Variants in LARGE1 observed in about 807,000 individuals in gnomAD.
LARGE1 encodes xylosyl- and glucuronyltransferase LARGE1.
In LARGE1, 43 loss-of-function variants were observed where a neutral mutation model predicts 87.6. The observed-to-expected ratio is 0.49, with a 90% CI of 0.38 to 0.63. The LOEUF is 0.63. Ranked by LOEUF, LARGE1 falls within the 30% of genes least tolerant of loss-of-function variation. The probability of loss-of-function intolerance (pLI) is 0.00; values close to 1 mark genes in which losing one functional copy is unlikely to be tolerated. For synonymous variants in LARGE1, 434 were observed against 394.6 expected (o/e 1.10, Z -1.18); for missense variants, 802 against 1,000.2 (o/e 0.80, Z 2.67).
At chr22:33,284,573 T>C (rs964923230) in intron 12 of LARGE1, among the ~76,000 whole-genome samples, 7 of 151,672 alleles carry the variant, frequency 4.6e-5, no homozygotes, top group African/African-American at 1.7e-4. Context: ...TAGTGCCATA[T>C]GGCATGAGGC....
chr22:33,584,850 C>T (rs1214989716), intron 5 of LARGE1, among the ~76,000 whole-genome samples: 1 of 152,206 alleles, frequency 6.6e-6, no homozygotes. Context: ...GGCGCATTGG[C>T]TCACGCCTGT....
intron 6 of LARGE1, among the ~76,000 whole-genome samples, chr22:33,436,211 G>A (rs1485461591): frequency 6.6e-6 from 1 of 152,178 alleles, no homozygotes; most frequent in Non-Finnish European, 1.5e-5. Flanking sequence ...AACTCTTACA[G>A]CTGCTGTGAC....
chr22:33,191,077 A>G (rs986116059), intron 11 of LARGE1, among the ~76,000 whole-genome samples: 2 of 152,032 alleles, frequency 1.3e-5, no homozygotes, highest in African/African-American at 4.8e-5. Context: ...TATCTTAAGC[A>G]CTCTCACAGT....
At chr22:33,569,857 C>T (rs941344087) in intron 5 of LARGE1, among the ~76,000 whole-genome samples, 1 of 152,186 alleles carries the variant, frequency 6.6e-6, no homozygotes, top group Non-Finnish European at 1.5e-5. Flanking sequence ...GAGGCAGGGA[C>T]GATGTCTTTT....
chr22:33,619,747 T>C (rs2079688834), intron 4 of LARGE1, among the ~76,000 whole-genome samples: 2 of 152,032 alleles, frequency 1.3e-5, no homozygotes, highest in South Asian at 4.2e-4. Context: ...AAAATGGACA[T>C]CATAATAGTG....
At chr22:33,871,403 A>G (rs2064276826) in intron 1 of LARGE1, among the ~76,000 whole-genome samples, 1 of 152,148 alleles carries the variant, frequency 6.6e-6, no homozygotes, top group Non-Finnish European at 1.5e-5. Context: ...GGGGGATACA[A>G]AAGACACAGA....
chr22:33,171,422 G>A (rs1276474394), intron 11 of LARGE1, among the ~76,000 whole-genome samples: 1 of 152,198 alleles, frequency 6.6e-6, no homozygotes, highest in Admixed American at 6.5e-5. Context: ...TGAGGAAAAT[G>A]TCTCCAGGGC....
chr22:33,328,826 C>G (rs533312306), intron 10 of LARGE1, among the ~76,000 whole-genome samples: 4 of 152,088 alleles, frequency 2.6e-5, no homozygotes, highest in African/African-American at 9.6e-5. Context: ...TTAGGTAGAC[C>G]TGGTTTCTAA....
chr22:33,696,266 T>TC lies in LARGE1; in HGVS notation c.107-45599_107-45598insG, dbSNP rs1385256493. ...TTCTTTCTTTCTTTCTTTCTTTCTTTTTTTTTTTTTTTTTGAGACAGAGTC... is the reference window on the plus strand; with the variant it reads ...TTCTTTCTTTCTTTCTTTCTTTCTTTCTTTTTTTTTTTTTTGAGACAGAGTC... On this transcript the variant is annotated intron_variant, in intron 2 of 14. Transcript: ENST00000397394. Among the ~76,000 whole-genome samples the TC allele has an allele frequency of 2.0e-3, 258 of 129,232 alleles. 1 individual carries two copies. Among genetic ancestry groups the TC allele is most frequent in the African/African-American group, 6.4e-3 (238 of 37,458 alleles). The allele number at this position is 129,232 out of a possible 152,430, so 84.8% of individuals were successfully genotyped here.
At chr22:33,292,076 A>G (rs1010765261) in intron 12 of LARGE1, among the ~76,000 whole-genome samples, 13 of 152,306 alleles carry the variant, frequency 8.5e-5, no homozygotes, top group Admixed American at 3.3e-4. Flanking sequence ...TCTGGGTGAC[A>G]GAGTGAGACT....
At chr22:33,498,082 G>A (rs1430539751) in intron 6 of LARGE1, among the ~76,000 whole-genome samples, 2 of 151,874 alleles carry the variant, frequency 1.3e-5, no homozygotes, top group African/African-American at 2.4e-5. Context: ...ACGGGGTTTC[G>A]GCATGTTGGT....
intron 1 of LARGE1, among the ~76,000 whole-genome samples, chr22:33,861,855 A>G (rs921023636): frequency 3.1e-5 from 4 of 129,868 alleles, no homozygotes; most frequent in African/African-American, 1.2e-4. Context: ...TGGGACCCAG[A>G]CATTCTTTTT....
chr22:33,100,099 G>A, the LARGE1 span, among the ~76,000 whole-genome samples: 1 of 152,258 alleles, frequency 6.6e-6, no homozygotes, highest in Non-Finnish European at 1.5e-5. Flanking sequence ...ACTTTGGGAG[G>A]CTGAGGCGGG....
intron 1 of LARGE1, among the ~76,000 whole-genome samples, chr22:33,906,966 T>C (rs1438526166): frequency 1.3e-5 from 2 of 152,074 alleles, no homozygotes; most frequent in African/African-American, 2.4e-5. Context: ...AAAAATGCTG[T>C]ATTTCCAAAG....
intron 1 of LARGE1, among the ~76,000 whole-genome samples, chr22:33,802,968 G>A (rs1044890407): frequency 2.0e-5 from 3 of 152,298 alleles, no homozygotes; most frequent in Admixed American, 6.5e-5. Flanking sequence ...AGATGGGTGG[G>A]TGAGTGGGTA....
At position 33,461,692 on chromosome 22, in the gene LARGE1, CAA is replaced by C. The variant is rs59692721; in HGVS notation, c.788-29429_788-29428del. ...AAAAAAGAAAAAAAAAGAGAAATTA[CAA>C]AAAAAAAAAATGTTATGACCTATGC... is the stretch of plus-strand genomic sequence containing the variant. On this transcript the variant is annotated intron_variant, in intron 6 of 14. Coordinates refer to ENST00000397394, the MANE Select transcript of LARGE1 (RefSeq NM_133642.5). Among the ~76,000 whole-genome samples the C allele has an allele frequency of 6.0e-3, 859 of 142,666 alleles. 6 individuals are homozygous for C. The highest frequency in any genetic ancestry group is 0.019 in the African/African-American group (731 of 38,910). 93.6% of individuals were successfully genotyped at this position (142,666 alleles called of 152,430 possible). A position where few individuals can be genotyped will look rare whatever the true frequency, so the allele number is the denominator to read the frequency against.
At chr22:33,358,368 C>T (rs2064256981) in intron 9 of LARGE1, among the ~76,000 whole-genome samples, 2 of 151,938 alleles carry the variant, frequency 1.3e-5, no homozygotes, top group Non-Finnish European at 2.9e-5. Context: ...ATTCTTATTA[C>T]CCTGTGTTTT....
intron 1 of LARGE1, among the ~76,000 whole-genome samples, chr22:33,854,212 G>GAAAAAAAA (rs67771177): frequency 1.4e-5 from 1 of 72,694 alleles, no homozygotes; most frequent in Non-Finnish European, 2.6e-5. Flanking sequence ...CACTTAAGGG[G>GAAAAAAAA]AAAAAAAAAA....
rs536349990 is a variant in LARGE1 at position 33,584,688 on chromosome 22, T to A, written c.616-19669A>T. Among the ~76,000 whole-genome samples the A allele has an allele frequency of 2.6e-3, 363 of 137,810 alleles. 2 individuals carry two copies. The highest frequency in any genetic ancestry group is 9.2e-3 in the African/African-American group (342 of 37,342). The allele number at this position is 137,810 out of a possible 152,430, so 90.4% of individuals were successfully genotyped here. ...CCCTGTGCTACTGAAAAAAAAAAAA[T>A]GAAAACTCAGCTGGCAGTCCATCCA... On this transcript the variant is annotated intron_variant, in intron 5 of 14. Transcript: ENST00000397394.
Sources: allele counts gnomAD v4.1 joint callset (sites outside exome capture counted in the v4.1 genomes callset), GRCh38; gene constraint gnomAD v4.1.1; transcripts MANE v1.5; gene names NCBI Gene and HGNC (gene_info 2026-07-23, HGNC 2026-07-21).